GLI2: variants seen among roughly 807,000 people sequenced by gnomAD.
GLI2 encodes the protein transcription activator GLI2.
Under a neutral mutation model 78.9 loss-of-function variants are expected in GLI2, and 22 were observed. The ratio of observed to expected loss-of-function variants is 0.28; its 90% CI spans 0.20 to 0.40. GLI2 has a LOEUF of 0.40. GLI2 is among the 10% of genes least tolerant of loss of function. GLI2 has a pLI of 1.00. For synonymous variants in GLI2, 974 were observed against 963.7 expected (o/e 1.01, Z -0.20); for missense variants, 2,097 against 2,213.2 (o/e 0.95, Z 1.05).
At chr2:120,856,063 T>C (rs1453873788) in intron 2 of GLI2, among the ~76,000 whole-genome samples, 1 of 152,138 alleles carries the variant, frequency 6.6e-6, no homozygotes, top group Non-Finnish European at 1.5e-5. Context: ...AAGGGGTCAT[T>C]TGAGGCTCAG....
intron 1 of GLI2, among the ~76,000 whole-genome samples, chr2:120,761,084 A>G (rs1481123412): frequency 2.0e-5 from 3 of 152,112 alleles, no homozygotes; most frequent in Non-Finnish European, 2.9e-5. Context: ...GCTGGTTTGG[A>G]TCTTGGTGTA....
intron 2 of GLI2, among the ~76,000 whole-genome samples, chr2:120,850,477 C>T (rs1687350094): frequency 6.6e-6 from 1 of 152,178 alleles, no homozygotes; most frequent in Non-Finnish European, 1.5e-5. Context: ...TGGGAGGGGA[C>T]AATAAGGCTA....
chr2:120,742,470 A>G (rs943790145), intron 1 of GLI2, among the ~76,000 whole-genome samples: 1 of 152,184 alleles, frequency 6.6e-6, no homozygotes, highest in African/African-American at 2.4e-5. Flanking sequence ...AATTGATTGA[A>G]ATTTAATGGC....
At chr2:120,933,841 G>GCCCTC (rs1214863480) in intron 3 of GLI2, among the ~76,000 whole-genome samples, 14 of 8,498 alleles carry the variant, frequency 1.6e-3, no homozygotes, top group Non-Finnish European at 3.5e-3. Context: ...GACCTTTCCA[G>GCCCTC]CCCTGCCCTG....
intron 11 of GLI2, 29 bp from the exon 12 acceptor site, chr2:120,984,442 C>T (rs1304244681): frequency 2.7e-5 from 44 of 1,613,034 alleles, no homozygotes; most frequent in Non-Finnish European, 3.7e-5. Context: ...GTACCCCTAT[C>T]CATGACACAG....
In GLI2 at chr2:120,990,825, A is replaced by C. The variant is rs1683267961; in HGVS notation, c.*150A>C. 6.3e-6 allele frequency: 4 copies of C among 630,784 alleles called. No homozygotes were observed. Among genetic ancestry groups the C allele is most frequent in the Non-Finnish European group, 1.1e-5 (4 of 363,270 alleles). The allele number at this position is 630,784 out of a possible 1,614,324, so 39.1% of individuals were successfully genotyped here. On this transcript the variant is annotated 3_prime_UTR_variant, in exon 14 of 14. Coordinates refer to ENST00000361492, the MANE Select transcript of GLI2 (RefSeq NM_001374353.1). ...GCCGCTTCAGATGACAGATGTTGTAAGAGAAGGTTTATGGGCATCCTCTCT... is the reference window on the plus strand; with the variant it reads ...GCCGCTTCAGATGACAGATGTTGTACGAGAAGGTTTATGGGCATCCTCTCT...
Position 120,951,330 on chromosome 2 carries a change from C to A in GLI2, c.342C>A (p.Pro114=). ...ACCCGGCTGGCCCTGGGGAGTCCCC[C>A]TTCAACGCCCCCCACCCGTACGTGA... is the stretch of plus-strand genomic sequence containing the variant. ...SPHPAGPGES[P]FNAPHPYVNP... Residue 114 remains proline (P), a synonymous_variant, in exon 4 of 14, where the codon CCC becomes CCA. Coordinates refer to ENST00000361492, the MANE Select transcript of GLI2 (RefSeq NM_001374353.1). The A allele has an allele frequency of 6.3e-7, 1 of 1,585,976 alleles. No homozygotes were observed. Among genetic ancestry groups the A allele is most frequent in the Non-Finnish European group, 8.7e-7 (1 of 1,154,434 alleles).
intron 2 of GLI2, among the ~76,000 whole-genome samples, chr2:120,896,123 CCT>C (rs1677930045): frequency 6.6e-6 from 1 of 152,192 alleles, no homozygotes; most frequent in African/African-American, 2.4e-5. Flanking sequence ...CCTCTCTGTC[CCT>C]GAGTGATCTT....
At chr2:120,890,460 T>C (rs189899066) in intron 2 of GLI2, among the ~76,000 whole-genome samples, 2,516 of 151,788 alleles carry the variant, frequency 0.017, 73 homozygotes, top group African/African-American at 0.056. Context: ...TATATATATA[T>C]ACACATAAAA....
intron 2 of GLI2, among the ~76,000 whole-genome samples, chr2:120,922,042 G>C (rs1260863170): frequency 6.6e-6 from 1 of 152,142 alleles, no homozygotes; most frequent in Admixed American, 6.5e-5. Flanking sequence ...ATCCCCCTCT[G>C]ACACTATGTT....
chr2:120,828,159 A>G (rs575569692), intron 2 of GLI2, among the ~76,000 whole-genome samples: 4 of 152,342 alleles, frequency 2.6e-5, no homozygotes, highest in Middle Eastern at 6.8e-3. Context: ...TGGTTCCTCC[A>G]CCATCGATGA....
intron 9 of GLI2, among the ~76,000 whole-genome samples, chr2:120,977,701 C>T (rs778214813): frequency 3.3e-5 from 5 of 152,174 alleles, no homozygotes; most frequent in Admixed American, 6.5e-5. Flanking sequence ...AGTCGTGCTG[C>T]GCTGGCTGTC....
At chr2:120,978,276 C>T (rs1464518366) in intron 9 of GLI2, among the ~76,000 whole-genome samples, 158 bp from the exon 10 acceptor site, 1 of 144,142 alleles carries the variant, frequency 6.9e-6, no homozygotes, top group African/African-American at 2.5e-5. Context: ...ATGAGGAGCA[C>T]GGTCTGAACA....
chr2:120,870,567 A>T (rs561399778), intron 2 of GLI2, among the ~76,000 whole-genome samples: 1 of 152,134 alleles, frequency 6.6e-6, no homozygotes, highest in African/African-American at 2.4e-5. Context: ...TGCCAGTGAC[A>T]CCTGCCGGAA....
intron 5 of GLI2, among the ~76,000 whole-genome samples, chr2:120,959,275 A>G (rs887306373): frequency 5.9e-5 from 9 of 152,166 alleles, no homozygotes; most frequent in Non-Finnish European, 1.0e-4. Flanking sequence ...GCTTCAGGAC[A>G]TGGAGGTAAC....
intron 3 of GLI2, among the ~76,000 whole-genome samples, chr2:120,935,074 C>A (rs1220023384): frequency 6.6e-6 from 1 of 152,158 alleles, no homozygotes; most frequent in Non-Finnish European, 1.5e-5. Flanking sequence ...AGAGGATTGG[C>A]TTTGTTTGTT....
chr2:120,885,364 C>G (rs1276795370), intron 2 of GLI2, among the ~76,000 whole-genome samples: 1 of 152,194 alleles, frequency 6.6e-6, no homozygotes, highest in African/African-American at 2.4e-5. Context: ...GTAAATGGCC[C>G]CTCAACCTCA....
chr2:120,854,834 G>T (rs1573484909), intron 2 of GLI2, among the ~76,000 whole-genome samples: 1 of 152,302 alleles, frequency 6.6e-6, no homozygotes, highest in East Asian at 1.9e-4. Flanking sequence ...CCTGCGATGG[G>T]GCTTGAAAGT....
At chr2:120,910,588 G>C (rs533811379) in intron 2 of GLI2, among the ~76,000 whole-genome samples, 1 of 152,154 alleles carries the variant, frequency 6.6e-6, no homozygotes, top group Non-Finnish European at 1.5e-5. Flanking sequence ...TGCCATCCTC[G>C]CCGCCCTAAT....
Sources: allele counts gnomAD v4.1 joint callset (sites outside exome capture counted in the v4.1 genomes callset), GRCh38; gene constraint gnomAD v4.1.1; transcripts MANE v1.5; gene names NCBI Gene and HGNC (gene_info 2026-07-23, HGNC 2026-07-21).